The following RORA variants were observed in gnomAD, a reference collection of about 807,000 sequenced individuals.
The protein encoded by RORA is nuclear receptor ROR-alpha.
A neutral mutation model predicts 69.5 loss-of-function variants in RORA; 7 were observed. The ratio of observed to expected loss-of-function variants is 0.10; its 90% CI spans 0.06 to 0.19. RORA has a LOEUF of 0.19. Among genes scored for constraint, RORA ranks in the 10% least tolerant of loss-of-function variants. The pLI is 1.00. For synonymous variants in RORA, 261 were observed against 240.8 expected (o/e 1.08, Z -0.78); for missense variants, 457 against 663.0 (o/e 0.69, Z 3.41).
chr15:60,781,532 T>A (rs2072255767), intron 1 of RORA, among the ~76,000 whole-genome samples: 1 of 152,064 alleles, frequency 6.6e-6, no homozygotes, highest in Non-Finnish European at 1.5e-5. Flanking sequence ...CTCCAAGTCA[T>A]CTATTTATCC....
intron 1 of RORA, among the ~76,000 whole-genome samples, chr15:61,036,457 T>C (rs1385528564): frequency 6.6e-6 from 1 of 152,212 alleles, no homozygotes; most frequent in Non-Finnish European, 1.5e-5. Flanking sequence ...TGTGAGCTAC[T>C]GGCAAACCAT....
At chr15:60,888,903 C>T (rs1435603945) in intron 1 of RORA, among the ~76,000 whole-genome samples, 2 of 133,546 alleles carry the variant, frequency 1.5e-5, no homozygotes, top group Non-Finnish European at 3.2e-5. Context: ...TCACACATTC[C>T]TGCTCCGAGG....
intron 1 of RORA, chr15:61,041,069 G>C (rs578251817): frequency 1.3e-5 from 2 of 152,294 alleles, no homozygotes; most frequent in South Asian, 4.1e-4. Flanking sequence ...GAGACAGTCA[G>C]GAATGGGGAG....
At chr15:60,647,660 A>T (rs2070072079) in intron 2 of RORA, among the ~76,000 whole-genome samples, 1 of 152,222 alleles carries the variant, frequency 6.6e-6, no homozygotes, top group Non-Finnish European at 1.5e-5. Context: ...CTGTCTCTGC[A>T]CTAGGACTAA....
intron 1 of RORA, among the ~76,000 whole-genome samples, chr15:60,740,075 G>A (rs1235910273): frequency 4.6e-5 from 7 of 152,060 alleles, no homozygotes; most frequent in East Asian, 3.9e-4. Flanking sequence ...GAAAGGGAGC[G>A]GGGGAAACTG....
chr15:60,742,415 T>A (rs919472912), intron 1 of RORA, among the ~76,000 whole-genome samples: 1 of 152,230 alleles, frequency 6.6e-6, no homozygotes, highest in African/African-American at 2.4e-5. Flanking sequence ...CATATTTTGA[T>A]ATATGTATAC....
chr15:60,535,109 A>T (rs1414044971), intron 2 of RORA, among the ~76,000 whole-genome samples: 1 of 152,156 alleles, frequency 6.6e-6, no homozygotes, highest in Non-Finnish European at 1.5e-5. Context: ...TTTAACACAA[A>T]TTATGAATCT....
chr15:60,863,225 G>A (rs2073451444), intron 1 of RORA, among the ~76,000 whole-genome samples: 4 of 152,120 alleles, frequency 2.6e-5, no homozygotes, highest in Admixed American at 6.5e-5. Flanking sequence ...ACAGAGCCTG[G>A]GCTTGCACAT....
intron 1 of RORA, among the ~76,000 whole-genome samples, chr15:60,823,634 G>C (rs1242185343): frequency 6.6e-6 from 1 of 152,186 alleles, no homozygotes; most frequent in East Asian, 1.9e-4. Flanking sequence ...CATTGCTGTA[G>C]CCTTATAGAG....
intron 1 of RORA, among the ~76,000 whole-genome samples, chr15:60,716,572 C>T (rs577565365): frequency 6.6e-6 from 1 of 152,224 alleles, no homozygotes; most frequent in African/African-American, 2.4e-5. Flanking sequence ...CTCCCATATC[C>T]TTTGTTACAG....
chr15:61,013,637 GTT>G (rs1456415806), intron 1 of RORA, among the ~76,000 whole-genome samples: 1 of 152,038 alleles, frequency 6.6e-6, no homozygotes, highest in Non-Finnish European at 1.5e-5. Context: ...TGCCTTTGTT[GTT>G]GGGTGGGGTA....
At chr15:61,036,214 C>T (rs2140457522) in intron 1 of RORA, among the ~76,000 whole-genome samples, 1 of 152,224 alleles carries the variant, frequency 6.6e-6, no homozygotes, top group Non-Finnish European at 1.5e-5. Flanking sequence ...CCTACGGGAG[C>T]AGCCAGAATT....
intron 1 of RORA, among the ~76,000 whole-genome samples, chr15:61,048,327 A>G (rs1417913326): frequency 1.3e-5 from 2 of 152,178 alleles, no homozygotes; most frequent in Non-Finnish European, 2.9e-5. Flanking sequence ...CCAGGAAACG[A>G]GACCTGAACA....
chr15:60,843,310 C>T (rs920837971), intron 1 of RORA, among the ~76,000 whole-genome samples: 13 of 152,132 alleles, frequency 8.5e-5, no homozygotes, highest in Non-Finnish European at 1.2e-4. Flanking sequence ...GAATCAGACA[C>T]GGTAGAAGGG....
Position 60,557,051 on chromosome 15 carries a change from G to C in RORA, c.197-25200C>G, listed in dbSNP as rs1044690923. The C allele has an allele frequency of 7.1e-6, 5 of 708,746 alleles. No homozygotes were observed. The African/African-American group carries it at 7.1e-5, about 10-fold the overall frequency. The allele number at this position is 708,746 out of a possible 1,614,324, so 43.9% of individuals were successfully genotyped here. On this transcript the variant is annotated intron_variant, in intron 2 of 10. Transcript: ENST00000335670. Reference sequence around the variant, plus strand: ...TAAGTACCCAAAAAAGTACTGTTTAGGTAGCCAACTCCCACTGTCTAATTT... The same window carrying C: ...TAAGTACCCAAAAAAGTACTGTTTACGTAGCCAACTCCCACTGTCTAATTT...
intron 1 of RORA, among the ~76,000 whole-genome samples, chr15:60,730,978 G>T (rs1020470885): frequency 6.6e-6 from 1 of 151,948 alleles, no homozygotes; most frequent in Non-Finnish European, 1.5e-5. Flanking sequence ...GGGGGTTGTT[G>T]TACGGAATAT....
intron 1 of RORA, among the ~76,000 whole-genome samples, chr15:61,165,115 T>C (rs2079529700): frequency 6.6e-6 from 1 of 152,208 alleles, no homozygotes; most frequent in Non-Finnish European, 1.5e-5. Context: ...AATTGTGAAA[T>C]ACAGAATCTG....
At chr15:61,209,195 T>G (rs1020603779) in intron 1 of RORA, among the ~76,000 whole-genome samples, 2 of 151,606 alleles carry the variant, frequency 1.3e-5, no homozygotes, top group African/African-American at 4.9e-5. Flanking sequence ...AAATGTAAAA[T>G]AGATCTTTAT....
At chr15:60,580,416 T>C (rs1342747794) in intron 2 of RORA, among the ~76,000 whole-genome samples, 3 of 152,244 alleles carry the variant, frequency 2.0e-5, no homozygotes, top group Admixed American at 1.3e-4. Flanking sequence ...TTCTCAAGCA[T>C]AATTCCAATC....
Sources: allele counts gnomAD v4.1 joint callset (sites outside exome capture counted in the v4.1 genomes callset), GRCh38; gene constraint gnomAD v4.1.1; transcripts MANE v1.5; gene names NCBI Gene and HGNC (gene_info 2026-07-23, HGNC 2026-07-21).